Variants in PRKCH observed in about 807,000 individuals in gnomAD.
PRKCH encodes protein kinase C eta.
In PRKCH, 28 loss-of-function variants were observed where a neutral mutation model predicts 82.5. The ratio of observed to expected loss-of-function variants is 0.34; its 90% CI spans 0.25 to 0.47. The LOEUF (loss-of-function observed/expected upper bound fraction) is 0.47. Ranked by LOEUF, PRKCH falls within the 20% of genes least tolerant of loss-of-function variation. The probability of loss-of-function intolerance (pLI) is 1.00; values close to 1 mark genes in which losing one functional copy is unlikely to be tolerated. For missense variants in PRKCH, 705 were observed against 881.8 expected (o/e 0.80, Z 2.54); for synonymous variants, 322 against 327.4 (o/e 0.98, Z 0.18).
chr14:61,505,071 T>C (rs1463031810), intron 10 of PRKCH, among the ~76,000 whole-genome samples: 1 of 152,154 alleles, frequency 6.6e-6, no homozygotes, highest in Non-Finnish European at 1.5e-5. Context: ...GAGCTTTTAT[T>C]TGTGGTTTTA....
chr14:61,216,466 T>C (rs75410898), intron 1 of PRKCH, among the ~76,000 whole-genome samples: 5,672 of 150,478 alleles, frequency 0.038, 227 homozygotes, highest in African/African-American at 0.1. Context: ...CAAGACTCTG[T>C]CTCAAAAAAA....
intron 2 of PRKCH, 48 bp downstream of exon 2, chr14:61,391,336 T>C (rs1327727661): frequency 6.9e-7 from 1 of 1,444,614 alleles, no homozygotes; most frequent in South Asian, 1.3e-5. Flanking sequence ...AATCTTGGTT[T>C]ACACTCAGTA....
At chr14:61,239,368 C>T (rs1178759328) in intron 1 of PRKCH, among the ~76,000 whole-genome samples, 3 of 152,114 alleles carry the variant, frequency 2.0e-5, no homozygotes, top group Admixed American at 1.3e-4. Flanking sequence ...ATTTAATGAG[C>T]GCCTGGGTGC....
chr14:61,301,205 ACT>A (rs2045445046), intron 1 of PRKCH, among the ~76,000 whole-genome samples: 1 of 152,110 alleles, frequency 6.6e-6, no homozygotes, highest in African/African-American at 2.4e-5. Context: ...CCAGACAATG[ACT>A]CTACTTCATC....
chr14:61,228,668 C>T (rs1384575271), intron 1 of PRKCH, among the ~76,000 whole-genome samples: 1 of 151,846 alleles, frequency 6.6e-6, no homozygotes, highest in Non-Finnish European at 1.5e-5. Context: ...TTCATCAAAC[C>T]TTTTCTATAT....
intron 2 of PRKCH, among the ~76,000 whole-genome samples, chr14:61,426,347 T>A (rs1295552476): frequency 5.2e-5 from 4 of 76,732 alleles, no homozygotes; most frequent in Non-Finnish European, 1.0e-4. Flanking sequence ...TGAAAACAAT[T>A]TTTTTAATGT....
At chr14:61,508,960 C>T (rs1048619558) in intron 10 of PRKCH, among the ~76,000 whole-genome samples, 1 of 152,056 alleles carries the variant, frequency 6.6e-6, no homozygotes, top group African/African-American at 2.4e-5. Flanking sequence ...CCCATTTGTC[C>T]TCATTTGATT....
intron 2 of PRKCH, among the ~76,000 whole-genome samples, chr14:61,438,422 T>A (rs1035806093): frequency 6.6e-6 from 1 of 152,230 alleles, no homozygotes; most frequent in African/African-American, 2.4e-5. Flanking sequence ...GCCAGAAATT[T>A]TCTCTGATTT....
chr14:61,360,006 A>G (rs60295106), intron 1 of PRKCH, among the ~76,000 whole-genome samples: 3 of 152,334 alleles, frequency 2.0e-5, no homozygotes, highest in East Asian at 1.9e-4. Context: ...TGGGAACACC[A>G]GATACTTACT....
intron 1 of PRKCH, among the ~76,000 whole-genome samples, chr14:61,192,653 C>A (rs898664273): frequency 3.9e-5 from 6 of 152,158 alleles, no homozygotes; most frequent in Admixed American, 3.9e-4. Flanking sequence ...TCTTCAGGAG[C>A]AGCAGAGCTT....
intron 1 of PRKCH, among the ~76,000 whole-genome samples, chr14:61,200,037 G>A (rs542579570): frequency 1.3e-5 from 2 of 152,130 alleles, no homozygotes; most frequent in East Asian, 1.9e-4. Flanking sequence ...ATTTCATATC[G>A]TATCCCTTTA....
rs188553070 is a variant in PRKCH at position 61,373,802 on chromosome 14, C to T, written c.364-17423C>T. Among the ~76,000 whole-genome samples the T allele has an allele frequency of 1.8e-4, 28 of 152,162 alleles. 1 individual carries two copies. Among genetic ancestry groups the T allele is most frequent in the African/African-American group, 6.3e-4 (26 of 41,452 alleles). ...ATTTTTAGTAGAGATGGGATTTTGC[C>T]ATGTTGGCCAGGCTGGTCGCAAACT... On this transcript the variant is annotated intron_variant, in intron 1 of 13. Coordinates refer to ENST00000332981, the MANE Select transcript of PRKCH (RefSeq NM_006255.5).
At chr14:61,200,240 A>T (rs182200540) in intron 1 of PRKCH, among the ~76,000 whole-genome samples, 1 of 152,324 alleles carries the variant, frequency 6.6e-6, no homozygotes, top group Admixed American at 6.5e-5. Flanking sequence ...CTGGATAAGA[A>T]GATTACCATA....
At chr14:61,266,712 C>G (rs1257839200) in intron 1 of PRKCH, among the ~76,000 whole-genome samples, 9 of 152,120 alleles carry the variant, frequency 5.9e-5, no homozygotes, top group Admixed American at 5.9e-4. Context: ...CTAGAAATGG[C>G]TTTATATGCC....
intron 2 of PRKCH, among the ~76,000 whole-genome samples, chr14:61,402,642 A>C (rs983154168): frequency 2.0e-5 from 3 of 151,394 alleles, no homozygotes; most frequent in Admixed American, 1.3e-4. Context: ...TAAAAATACA[A>C]AAAAAAATTA....
At chr14:61,331,640 C>T (rs906993584) in intron 1 of PRKCH, among the ~76,000 whole-genome samples, 3 of 152,202 alleles carry the variant, frequency 2.0e-5, no homozygotes, top group African/African-American at 4.8e-5. Flanking sequence ...CAAGCTGTGA[C>T]CTTAGGCAAG....
At chr14:61,381,398 G>A (rs1378950753) in intron 1 of PRKCH, among the ~76,000 whole-genome samples, 1 of 152,248 alleles carries the variant, frequency 6.6e-6, no homozygotes, top group Non-Finnish European at 1.5e-5. Flanking sequence ...TTTTCTGGAA[G>A]TTTTTAATCT....
chr14:61,396,590 A>G (rs1160318497), intron 2 of PRKCH, among the ~76,000 whole-genome samples: 1 of 152,236 alleles, frequency 6.6e-6, no homozygotes, highest in South Asian at 2.1e-4. Flanking sequence ...GTGTTGGCAC[A>G]TGGGACTACA....
At chr14:61,238,420 A>C (rs1285176971) in intron 1 of PRKCH, among the ~76,000 whole-genome samples, 2 of 152,168 alleles carry the variant, frequency 1.3e-5, no homozygotes, top group Non-Finnish European at 2.9e-5. Flanking sequence ...TTCTCATTAT[A>C]ATCTTTGCCT....
Sources: gnomAD v4.1 joint callset for allele counts (sites outside exome capture counted in the v4.1 genomes callset) on GRCh38, gnomAD v4.1.1 for gene constraint, MANE v1.5 for transcripts, NCBI Gene and HGNC (gene_info 2026-07-23, HGNC 2026-07-21) for gene names.